LAMP3: variants seen among roughly 807,000 people sequenced by gnomAD.
LAMP3 encodes lysosome-associated membrane glycoprotein 3.
In LAMP3, 26 loss-of-function variants were observed where a neutral mutation model predicts 34.8. That is an observed-to-expected ratio of 0.75 (90% confidence interval 0.55 to 1.04). The LOEUF (loss-of-function observed/expected upper bound fraction) is 1.04. Among genes scored for constraint, LAMP3 ranks in the 50% least tolerant of loss-of-function variants. The probability of loss-of-function intolerance (pLI) is 0.00; values close to 1 mark genes in which losing one functional copy is unlikely to be tolerated. For synonymous variants in LAMP3, 180 were observed against 201.9 expected (o/e 0.89, Z 0.92); for missense variants, 495 against 524.0 (o/e 0.94, Z 0.54).
intron 3 of LAMP3, among the ~76,000 whole-genome samples, chr3:183,151,232 C>T (rs2108609887): frequency 6.6e-6 from 1 of 152,288 alleles, no homozygotes; most frequent in Middle Eastern, 3.4e-3. Flanking sequence ...TGCAAGGGGT[C>T]TCTCAGTGCC....
In LAMP3 at chr3:183,154,023, G is replaced by T. The variant is rs776198525; in HGVS notation, c.418C>A (p.Pro140Thr). 2 of 1,614,054 alleles carry T rather than the reference G, an allele frequency of 1.2e-6. No individual in the cohort carries two copies. Among genetic ancestry groups the T allele is most frequent in the African/African-American group, 2.7e-5 (2 of 74,906 alleles). ...CTGGTTCCAGTTGTATGAGCTGGTGGGGTGATGGTGGGTGGCAGTGAATAA... is the reference window on the plus strand; with the variant it reads ...CTGGTTCCAGTTGTATGAGCTGGTGTGGTGATGGTGGGTGGCAGTGAATAA... ...APYSLPPTIT[P>T]PAHTTGTSSS... Residue 140 changes from proline (P) to threonine (T), a missense_variant, in exon 2 of 6, where the codon CCA (proline) becomes ACA (threonine). Transcript: ENST00000265598.
chr3:183,136,022 T>C, intron 4 of LAMP3, 135 bp from the exon 5 acceptor site: 2 of 720,318 alleles, frequency 2.8e-6, no homozygotes. Context: ...TGCCACCTTC[T>C]CCCCATGAAA....
chr3:183,155,602 G>C (rs967304176), intron 1 of LAMP3, among the ~76,000 whole-genome samples: 1 of 152,204 alleles, frequency 6.6e-6, no homozygotes, highest in East Asian at 1.9e-4. Flanking sequence ...CAACTTGTAA[G>C]TATATATGGG....
intron 4 of LAMP3, among the ~76,000 whole-genome samples, chr3:183,137,235 C>T (rs1289497176): frequency 1.3e-5 from 2 of 151,746 alleles, no homozygotes; most frequent in African/African-American, 4.8e-5. Flanking sequence ...AGGAGAATCT[C>T]TTGAATCCGA....
chr3:183,143,912 C>T (rs369633965), intron 3 of LAMP3, among the ~76,000 whole-genome samples: 15 of 152,300 alleles, frequency 9.8e-5, no homozygotes, highest in African/African-American at 3.6e-4. Context: ...CTTAGCAAAA[C>T]TGTGGGTCCA....
At chr3:183,150,294 G>C (rs1720590891) in intron 3 of LAMP3, among the ~76,000 whole-genome samples, 1 of 152,212 alleles carries the variant, frequency 6.6e-6, no homozygotes, top group Admixed American at 6.5e-5. Flanking sequence ...CAGCCCGAAG[G>C]AATAGGAAAG....
chr3:183,129,001 C>T (rs537179020), intron 5 of LAMP3, among the ~76,000 whole-genome samples: 7 of 152,218 alleles, frequency 4.6e-5, no homozygotes, highest in South Asian at 2.1e-4. Flanking sequence ...ATCTGCCTGG[C>T]GACAGAGCAA....
At chr3:183,142,863 G>C (rs1026257716) in intron 3 of LAMP3, among the ~76,000 whole-genome samples, 2 of 152,132 alleles carry the variant, frequency 1.3e-5, no homozygotes, top group Non-Finnish European at 2.9e-5. Context: ...AAACAAGTCT[G>C]AGCCCTTCCG....
At chr3:183,149,987 A>C (rs1374747896) in intron 3 of LAMP3, among the ~76,000 whole-genome samples, 1 of 152,158 alleles carries the variant, frequency 6.6e-6, no homozygotes, top group Non-Finnish European at 1.5e-5. Context: ...CCTCCCGGCG[A>C]AGGTCAGCTA....
At chr3:183,149,610 T>TACAC (rs568430015) in intron 3 of LAMP3, among the ~76,000 whole-genome samples, 3 of 127,176 alleles carry the variant, frequency 2.4e-5, no homozygotes, top group African/African-American at 6.1e-5. Flanking sequence ...TATATATGTA[T>TACAC]ACACACACAC....
At chr3:183,132,130 C>T in intron 5 of LAMP3, 1 of 985,318 alleles carries the variant, frequency 1.0e-6, no homozygotes, top group Non-Finnish European at 1.2e-6. Flanking sequence ...AGAAGGCAGA[C>T]AACACATGAA....
At chr3:183,143,287 T>G (rs596421) in intron 3 of LAMP3, among the ~76,000 whole-genome samples, 2 of 145,428 alleles carry the variant, frequency 1.4e-5, no homozygotes, top group African/African-American at 5.3e-5. Context: ...TTAAAAAAAA[T>G]TTTTTTATAG....
At chr3:183,137,591 G>A (rs1474060620) in intron 4 of LAMP3, among the ~76,000 whole-genome samples, 1 of 152,010 alleles carries the variant, frequency 6.6e-6, no homozygotes, top group Non-Finnish European at 1.5e-5. Context: ...GTACACTGCC[G>A]GGTCACGTGT....
At chr3:183,133,778 C>T (rs1719997687) in intron 5 of LAMP3, among the ~76,000 whole-genome samples, 1 of 152,200 alleles carries the variant, frequency 6.6e-6, no homozygotes, top group African/African-American at 2.4e-5. Context: ...ACAATGTTTG[C>T]AGGCTCCAGG....
intron 5 of LAMP3, among the ~76,000 whole-genome samples, chr3:183,129,443 A>G (rs1005575387): frequency 2.0e-5 from 3 of 152,106 alleles, no homozygotes; most frequent in Admixed American, 1.3e-4. Context: ...AATAGCTTCT[A>G]TATCTAGTAG....
At position 183,133,044 on chromosome 3, in the gene LAMP3, AAAG is replaced by A. The variant is rs144437062; in HGVS notation, c.1117+2670_1117+2672del. 8.9e-4 allele frequency: 528 copies of A among 596,488 alleles called. 11 individuals are homozygous for A. In the East Asian group the frequency reaches 0.035, roughly 39 times the overall value. 36.9% of individuals were successfully genotyped at this position (596,488 alleles called of 1,614,324 possible). On this transcript the variant is annotated intron_variant, in intron 5 of 5. Transcript: ENST00000265598. ...GCCACATCTGCCTCAGCTTTGGAGAAAAGAAGACAGAGGGGAAGATGGAGCTGT... is the reference window on the plus strand; with the variant it reads ...GCCACATCTGCCTCAGCTTTGGAGAAAAGACAGAGGGGAAGATGGAGCTGT...
upstream of LAMP3, chr3:183,162,819 C>T: frequency 3.2e-6 from 2 of 616,946 alleles, no homozygotes; most frequent in South Asian, 2.1e-5. Context: ...ACTCCGCCGG[C>T]CCCCTCCTAC....
chr3:183,135,603 C>T (rs1720058596), intron 5 of LAMP3, 114 bp downstream of exon 5: 3 of 1,016,226 alleles, frequency 3.0e-6, no homozygotes, highest in Non-Finnish European at 4.5e-6. Context: ...ATCACACCAT[C>T]CCAGGAAGCT....
rs143201615 is a variant in LAMP3 at position 183,162,591 on chromosome 3, G to T, written c.49+16C>A. ...ACACGTCAGGGCCACCGCGGGAAGC[G>T]CTGAGGGCCACTCACCGGCCAGGGA... On this transcript the variant is annotated intron_variant, in intron 1 of 5. Coordinates refer to ENST00000265598, the MANE Select transcript of LAMP3 (RefSeq NM_014398.4). 116 of 1,547,350 alleles carry T rather than the reference G, an allele frequency of 7.5e-5. 1 individual carries two copies. The African/African-American group carries it at 1.3e-3, about 18-fold the overall frequency.
Sources: gnomAD v4.1 joint callset for allele counts (sites outside exome capture counted in the v4.1 genomes callset) on GRCh38, gnomAD v4.1.1 for gene constraint, MANE v1.5 for transcripts, NCBI Gene and HGNC (gene_info 2026-07-23, HGNC 2026-07-21) for gene names.